The following POLE4 variants were observed in gnomAD, a reference collection of about 807,000 sequenced individuals.
POLE4 encodes the protein DNA polymerase epsilon subunit 4.
In POLE4, 15 loss-of-function variants were observed where a neutral mutation model predicts 15.6. The observed-to-expected ratio is 0.96, with a 90% CI of 0.64 to 1.48. The LOEUF (loss-of-function observed/expected upper bound fraction) is 1.48, where lower values mean the gene tolerates loss of function less well. POLE4 is among the 40% of genes most tolerant of loss of function. The pLI is 0.00. For missense variants in POLE4, 205 were observed against 151.9 expected, an observed-to-expected ratio of 1.35 and a Z score of -1.84; for synonymous variants, 83 against 63.2, an observed-to-expected ratio of 1.31 and a Z score of -1.49.
At position 74,958,881 on chromosome 2, in the gene POLE4, G is replaced by C; in HGVS notation, c.202G>C (p.Ala68Pro). Residue 68 changes from alanine to proline, a missense_variant, in exon 1 of 4, where the codon GCA becomes CCA. Ala to Pro is a conservative substitution (Grantham distance 27, BLOSUM62 -1). Transcript: ENST00000483063. Reference protein sequence around the residue: ...LAGQEAIFILARAAELFVETI... With the variant: ...LAGQEAIFILPRAAELFVETI... ...GGGACAGGAAGCCATCTTCATTCTG[G>C]CACGAGCCGCGGTGCGCCTGCAGCG... 1 of 1,556,272 alleles carries C rather than the reference G, an allele frequency of 6.4e-7. No individual in the cohort carries two copies. The highest frequency in any genetic ancestry group is 8.7e-7 in the Non-Finnish European group (1 of 1,149,804).
intron 3 of POLE4, among the ~76,000 whole-genome samples, chr2:74,966,359 A>T (rs1025302374): frequency 6.6e-6 from 1 of 152,102 alleles, no homozygotes; most frequent in Non-Finnish European, 1.5e-5. Flanking sequence ...GCAGTCAATG[A>T]TATATGGATT....
At chr2:74,965,388 C>T (rs374301232) in intron 3 of POLE4, among the ~76,000 whole-genome samples, 13 of 152,222 alleles carry the variant, frequency 8.5e-5, no homozygotes, top group Non-Finnish European at 1.6e-4. Flanking sequence ...CGTGAGCCAC[C>T]GCGCCTGGCC....
chr2:74,960,411 A>G (rs910894487), intron 3 of POLE4, among the ~76,000 whole-genome samples: 2 of 152,198 alleles, frequency 1.3e-5, no homozygotes, highest in African/African-American at 4.8e-5. Flanking sequence ...ATGAATTCGA[A>G]AGTTCGATTC....
At chr2:74,968,952 T>C (rs1671328674) in intron 3 of POLE4, among the ~76,000 whole-genome samples, 1 of 152,156 alleles carries the variant, frequency 6.6e-6, no homozygotes, top group African/African-American at 2.4e-5. Context: ...GGGCCCCTAT[T>C]TGTTGTAGAT....
intron 3 of POLE4, among the ~76,000 whole-genome samples, chr2:74,962,478 A>G (rs989448339): frequency 6.6e-6 from 1 of 152,056 alleles, no homozygotes; most frequent in African/African-American, 2.4e-5. Context: ...GTCTTTCTCT[A>G]CCTTCTCTCT....
chr2:74,960,733 A>G (rs1292803566), intron 3 of POLE4: 7 of 398,154 alleles, frequency 1.8e-5, no homozygotes, highest in African/African-American at 4.1e-5. Flanking sequence ...CACTACACGT[A>G]TGTAGTCATG....
chr2:74,967,857 ACTGATATGAACTCAGGCTG>A (rs1290591108), intron 3 of POLE4, among the ~76,000 whole-genome samples: 2 of 152,192 alleles, frequency 1.3e-5, no homozygotes, highest in Non-Finnish European at 2.9e-5. Context: ...GGACTATCAT[ACTGATATGAACTCAGGCTG>A]CAGGCCTGTG....
chr2:74,960,537 G>T (rs1671201678), intron 3 of POLE4: 33 of 492,608 alleles, frequency 6.7e-5, no homozygotes, highest in South Asian at 4.9e-4. Context: ...TCAACAATCT[G>T]TGTGAAGTGA....
intron 3 of POLE4, among the ~76,000 whole-genome samples, chr2:74,965,603 C>G (rs1213222172): frequency 6.6e-6 from 1 of 152,130 alleles, no homozygotes; most frequent in African/African-American, 2.4e-5. Context: ...TGTTAAAACT[C>G]TACTGCTATG....
intron 3 of POLE4, chr2:74,961,093 A>G (rs1440481763): frequency 1.3e-5 from 2 of 153,224 alleles, no homozygotes; most frequent in Admixed American, 6.5e-5. Flanking sequence ...TGCATTTCTC[A>G]GGATGTATCC....
chr2:74,967,255 G>A (rs1482662444), intron 3 of POLE4, among the ~76,000 whole-genome samples: 1 of 150,846 alleles, frequency 6.6e-6, no homozygotes, highest in Non-Finnish European at 1.5e-5. Context: ...TATGCATTCT[G>A]TGTAATTTTT....
intron 2 of POLE4, 95 bp downstream of exon 2, chr2:74,959,520 G>T: frequency 1.4e-6 from 1 of 739,734 alleles, no homozygotes. Context: ...GATCTGAGAG[G>T]TGCCACAGCG....
intron 2 of POLE4, chr2:74,959,690 T>C (rs1162158993): frequency 2.1e-5 from 9 of 428,880 alleles, no homozygotes; most frequent in East Asian, 1.5e-4. Flanking sequence ...GAAAAAGATA[T>C]TTCTTTTTCA....
intron 3 of POLE4, among the ~76,000 whole-genome samples, chr2:74,965,027 C>CT (rs890484470): frequency 0.014 from 1,993 of 147,350 alleles, 42 homozygotes; most frequent in African/African-American, 0.045. Flanking sequence ...AGAGATTAGT[C>CT]TTTTTTTTTC....
chr2:74,960,904 A>G (rs1343608112), intron 3 of POLE4, among the ~76,000 whole-genome samples: 1 of 152,216 alleles, frequency 6.6e-6, no homozygotes, highest in African/African-American at 2.4e-5. Context: ...GTTTAAATAC[A>G]CTTATCCTCA....
chr2:74,959,103 T>G, intron 1 of POLE4: 1 of 610,456 alleles, frequency 1.6e-6, no homozygotes, highest in Non-Finnish European at 2.9e-6. Flanking sequence ...TGAGTGACTT[T>G]AATTTGTATC....
chr2:74,965,430 T>C (rs1489719385), intron 3 of POLE4, among the ~76,000 whole-genome samples: 1 of 152,196 alleles, frequency 6.6e-6, no homozygotes, highest in Non-Finnish European at 1.5e-5. Flanking sequence ...TCTGGAAAAC[T>C]TATTGAAAGA....
chr2:74,958,872 T>G lies in POLE4; in HGVS notation c.193T>G (p.Phe65Val). Reference sequence around the variant, plus strand: ...GACGCTAGCGGGACAGGAAGCCATCTTCATTCTGGCACGAGCCGCGGTGCG... The same window carrying G: ...GACGCTAGCGGGACAGGAAGCCATCGTCATTCTGGCACGAGCCGCGGTGCG... ...DVTLAGQEAI[F>V]ILARAAELFV... The change falls in exon 1 of 4, where the codon TTC becomes GTC. Residue 65 changes from phenylalanine (F) to valine (V), a missense_variant. Transcript: ENST00000483063. 2 of 1,559,368 alleles carry G rather than the reference T, an allele frequency of 1.3e-6. No homozygotes were observed. The highest frequency in any genetic ancestry group is 1.7e-6 in the Non-Finnish European group (2 of 1,151,656).
chr2:74,958,945 G>A, intron 1 of POLE4, 53 bp downstream of exon 1: 1 of 1,461,356 alleles, frequency 6.8e-7, no homozygotes, highest in Non-Finnish European at 9.3e-7. Context: ...AGTGTGGGGC[G>A]GGGCCTCGGG....
Sources: allele counts gnomAD v4.1 joint callset (sites outside exome capture counted in the v4.1 genomes callset), GRCh38; gene constraint gnomAD v4.1.1; transcripts MANE v1.5; gene names NCBI Gene and HGNC (gene_info 2026-07-23, HGNC 2026-07-21).